Variants in CADM2 observed in about 807,000 individuals in gnomAD.
CADM2 encodes the protein immunoglobulin superfamily member 4D.
In CADM2, 12 loss-of-function variants were observed where a neutral mutation model predicts 49.8. That is an observed-to-expected ratio of 0.24 (90% CI 0.15 to 0.39). CADM2 has a LOEUF of 0.39. Among genes scored for constraint, CADM2 ranks in the 10% least tolerant of loss-of-function variants. CADM2 has a pLI of 1.00. For synonymous variants in CADM2, 214 were observed against 175.4 expected (o/e 1.22, Z -1.74); for missense variants, 378 against 492.3 (o/e 0.77, Z 2.20).
rs561665317 is a variant in CADM2, at chr3:86,063,783, C to T, written c.971-1822C>T. On this transcript the variant is annotated intron_variant, in intron 8 of 9. Coordinates refer to ENST00000383699, the MANE Select transcript of CADM2 (RefSeq NM_001167675.2). ...CTCTAGTTTTTGAAGGCATTCTTGCCAAGCCTAATTTACTTCTTTACTTTC... is the reference window on the plus strand; with the variant it reads ...CTCTAGTTTTTGAAGGCATTCTTGCTAAGCCTAATTTACTTCTTTACTTTC... 4.5e-4 allele frequency among the ~76,000 whole-genome samples: 69 copies of T among 152,198 alleles called. No individual in the cohort carries two copies. The Middle Eastern group carries it at 0.01, about 23-fold the overall frequency.
chr3:85,987,744 A>G (rs1318393543), intron 8 of CADM2, among the ~76,000 whole-genome samples: 3 of 148,854 alleles, frequency 2.0e-5, no homozygotes, highest in Non-Finnish European at 3.0e-5. Context: ...AATTTCAGAA[A>G]CTATGTTTCC....
chr3:85,046,930 C>T (rs1254730559), intron 1 of CADM2, among the ~76,000 whole-genome samples: 1 of 151,412 alleles, frequency 6.6e-6, no homozygotes, highest in Non-Finnish European at 1.5e-5. Context: ...TTTATGACTC[C>T]AGAAATATCT....
chr3:85,304,309 A>C (rs1482543492), intron 1 of CADM2, among the ~76,000 whole-genome samples: 1 of 151,838 alleles, frequency 6.6e-6, no homozygotes, highest in Non-Finnish European at 1.5e-5. Context: ...TGTTCTTAGA[A>C]GTTTCAAACG....
chr3:85,113,074 T>C (rs1394725761), intron 1 of CADM2, among the ~76,000 whole-genome samples: 3 of 152,100 alleles, frequency 2.0e-5, no homozygotes, highest in Non-Finnish European at 4.4e-5. Context: ...GCTTTAATAC[T>C]TTCTTCTTCA....
At chr3:85,926,350 C>T (rs1719874228) in intron 6 of CADM2, among the ~76,000 whole-genome samples, 1 of 151,894 alleles carries the variant, frequency 6.6e-6, no homozygotes, top group Non-Finnish European at 1.5e-5. Context: ...TGCTATTCTC[C>T]GTTCCTCTAA....
chr3:84,988,461 A>T lies in CADM2; in HGVS notation c.61+28793A>T, dbSNP rs571095166. 3.3e-5 allele frequency among the ~76,000 whole-genome samples: 5 copies of T among 152,278 alleles called. No individual in the cohort carries two copies. In the South Asian group the frequency reaches 1.0e-3, roughly 32 times the overall value. On this transcript the variant is annotated intron_variant, in intron 1 of 9. Transcript: ENST00000383699. ...TTTTAGCTGTTGTATTCATTGTTCC[A>T]TCCATGAAACCTAGCAGATAGCAAA... is the stretch of plus-strand genomic sequence containing the variant.
chr3:85,564,711 T>A (rs1470562353), intron 1 of CADM2, among the ~76,000 whole-genome samples: 1 of 152,118 alleles, frequency 6.6e-6, no homozygotes. Context: ...ATGATTTTTT[T>A]AATTCTATAA....
chr3:86,042,246 A>G (rs1453787480), intron 8 of CADM2, among the ~76,000 whole-genome samples: 3 of 152,114 alleles, frequency 2.0e-5, no homozygotes, highest in African/African-American at 7.2e-5. Flanking sequence ...AACTGAAGGA[A>G]ATAGAGACAC....
chr3:85,704,731 A>T (rs2066885133), intron 1 of CADM2, among the ~76,000 whole-genome samples: 1 of 152,174 alleles, frequency 6.6e-6, no homozygotes, highest in African/African-American at 2.4e-5. Context: ...AGGTATACCT[A>T]TACTTGTATA....
intron 1 of CADM2, among the ~76,000 whole-genome samples, chr3:85,291,797 A>G (rs2043804838): frequency 6.8e-6 from 1 of 147,938 alleles, no homozygotes; most frequent in Non-Finnish European, 1.5e-5. Flanking sequence ...AGTGCTAAAT[A>G]TGGAAAGGAA....
In CADM2 at chr3:86,071,798, C is replaced by A. The variant is rs933090000; in HGVS notation, c.*5015C>A. ...AATATTATAACTTTATAAGAATAGT[C>A]CTTCTCCTGCCTATTTAATATTTCA... On this transcript the variant is annotated 3_prime_UTR_variant, in exon 10 of 10. Transcript: ENST00000383699. The A allele has an allele frequency of 3.3e-5, 5 of 151,822 alleles. No homozygotes were observed. Among genetic ancestry groups the A allele is most frequent in the African/African-American group, 1.2e-4 (5 of 41,384 alleles). 9.4% of individuals were successfully genotyped at this position (151,822 alleles called of 1,614,324 possible).
At chr3:85,107,346 T>TAA (rs1390187297) in intron 1 of CADM2, among the ~76,000 whole-genome samples, 2 of 152,100 alleles carry the variant, frequency 1.3e-5, no homozygotes, top group Non-Finnish European at 2.9e-5. Context: ...AATTGGCACA[T>TAA]AAAAGGATGG....
intron 1 of CADM2, among the ~76,000 whole-genome samples, chr3:85,152,309 TG>T (rs1471178970): frequency 6.6e-6 from 1 of 152,142 alleles, no homozygotes; most frequent in Non-Finnish European, 1.5e-5. Flanking sequence ...GTGAGTGTAC[TG>T]GGCCAGTAGG....
intron 1 of CADM2, among the ~76,000 whole-genome samples, chr3:85,652,096 C>T (rs764035830): frequency 7.3e-5 from 11 of 151,100 alleles, no homozygotes; most frequent in South Asian, 2.1e-4. Flanking sequence ...GGATTACAGG[C>T]GTGAGCCACT....
chr3:85,976,960 G>A (rs947341877), intron 8 of CADM2, among the ~76,000 whole-genome samples: 6 of 151,236 alleles, frequency 4.0e-5, no homozygotes, highest in Non-Finnish European at 5.9e-5. Flanking sequence ...TGCTTAATGC[G>A]TTTTTACCCT....
intron 3 of CADM2, among the ~76,000 whole-genome samples, chr3:85,839,875 G>A (rs866624982): frequency 6.6e-6 from 1 of 151,810 alleles, no homozygotes; most frequent in Non-Finnish European, 1.5e-5. Context: ...ATTGCCATCT[G>A]AGAGTTCCGA....
At chr3:85,020,403 CA>C (rs1027840934) in intron 1 of CADM2, among the ~76,000 whole-genome samples, 1 of 151,966 alleles carries the variant, frequency 6.6e-6, no homozygotes, top group African/African-American at 2.4e-5. Context: ...GATAGGTACC[CA>C]AACATCAGCA....
chr3:85,642,805 A>G (rs2064761942), intron 1 of CADM2, among the ~76,000 whole-genome samples: 1 of 152,234 alleles, frequency 6.6e-6, no homozygotes, highest in Non-Finnish European at 1.5e-5. Context: ...GGAGCAGAAA[A>G]TGACAAAGAC....
At chr3:85,879,958 C>G (rs1286682954) in intron 3 of CADM2, among the ~76,000 whole-genome samples, 1 of 152,202 alleles carries the variant, frequency 6.6e-6, no homozygotes, top group African/African-American at 2.4e-5. Flanking sequence ...TCCAGAACCA[C>G]AGGGATTCCT....
Sources: allele counts gnomAD v4.1 joint callset (sites outside exome capture counted in the v4.1 genomes callset), GRCh38; gene constraint gnomAD v4.1.1; transcripts MANE v1.5; gene names NCBI Gene and HGNC (gene_info 2026-07-23, HGNC 2026-07-21).